Variants in TMEM120B observed in about 807,000 individuals in gnomAD.
TMEM120B encodes the protein transmembrane protein 120B.
TMEM120B carries 31 observed loss-of-function variants against 55.5 expected under a neutral mutation model. That is an observed-to-expected ratio of 0.56 (90% CI 0.42 to 0.75). The LOEUF (loss-of-function observed/expected upper bound fraction) is 0.75, where lower values mean the gene tolerates loss of function less well. Ranked by LOEUF, TMEM120B falls within the 30% of genes least tolerant of loss-of-function variation. TMEM120B has a pLI of 0.00. For synonymous variants in TMEM120B, 203 were observed against 176.3 expected (o/e 1.15, Z -1.20); for missense variants, 399 against 425.5 (o/e 0.94, Z 0.55).
rs1439440842 is a variant in TMEM120B, at chr12:121,743,652, G to A, written c.93G>A (p.Gln31=). The change falls in exon 2 of 12, where the codon CAG becomes CAA. Residue 31 remains glutamine (Q), a synonymous_variant. Coordinates refer to ENST00000449592, the MANE Select transcript of TMEM120B (RefSeq NM_001080825.2). ...AGGAGACGCACAGGATCTACAAGCAGAAGCTGGAGGAGCTGGCTGCGCTGC... is the reference window on the plus strand; with the variant it reads ...AGGAGACGCACAGGATCTACAAGCAAAAGCTGGAGGAGCTGGCTGCGCTGC... ...ELQETHRIYK[Q]KLEELAALQT... The A allele has an allele frequency of 1.2e-6, 2 of 1,613,548 alleles. No homozygotes were observed. The highest frequency in any genetic ancestry group is 1.7e-6 in the Non-Finnish European group (2 of 1,179,978).
rs148688183 is a variant in TMEM120B, at chr12:121,781,341, C to T, written c.*5619C>T. 1.9e-4 allele frequency: 131 copies of T among 676,842 alleles called. No homozygotes were observed. In the African/African-American group the frequency reaches 2.3e-3, roughly 12 times the overall value. The allele number at this position is 676,842 out of a possible 1,614,324, so 41.9% of individuals were successfully genotyped here. A position where few individuals can be genotyped will look rare whatever the true frequency, so the allele number is the denominator to read the frequency against. ...GGGCAGCAAGCCAGGAGTGCTGGCACAGGCCTGTGGTCGCAGCTACTCGGG... is the reference window on the plus strand; with the variant it reads ...GGGCAGCAAGCCAGGAGTGCTGGCATAGGCCTGTGGTCGCAGCTACTCGGG... On this transcript the variant is annotated 3_prime_UTR_variant, in exon 12 of 12. Transcript: ENST00000449592.
At chr12:121,743,135 C>T (rs1365005506) in intron 1 of TMEM120B, among the ~76,000 whole-genome samples, 1 of 152,050 alleles carries the variant, frequency 6.6e-6, no homozygotes, top group Non-Finnish European at 1.5e-5. Flanking sequence ...ATTGGAGTGA[C>T]TGTGTCTGGA....
intron 6 of TMEM120B, among the ~76,000 whole-genome samples, chr12:121,769,028 C>A (rs565735639): frequency 6.6e-6 from 1 of 151,832 alleles, no homozygotes; most frequent in Non-Finnish European, 1.5e-5. Context: ...CGCCTGTAGT[C>A]GCAGCTACTC....
Position 121,767,223 on chromosome 12 carries a change from C to T in TMEM120B, c.552-3684C>T, listed in dbSNP as rs553989681. On this transcript the variant is annotated intron_variant, in intron 6 of 11. Coordinates refer to ENST00000449592, the MANE Select transcript of TMEM120B (RefSeq NM_001080825.2). ...TCGCCCAGGCTGGAGTGCAGTGGTG[C>T]GATCTCGGCTCACTGCAAGCTCCGC... Among the ~76,000 whole-genome samples, 10 of 152,258 alleles carry T rather than the reference C, an allele frequency of 6.6e-5. No individual in the cohort carries two copies. The South Asian group carries it at 1.7e-3, about 25-fold the overall frequency.
chr12:121,744,538 C>G (rs968871900), intron 2 of TMEM120B, among the ~76,000 whole-genome samples: 2 of 152,218 alleles, frequency 1.3e-5, no homozygotes, highest in African/African-American at 4.8e-5. Flanking sequence ...GGCCACTAGG[C>G]TGCCATCCCT....
chr12:121,743,139 G>A (rs1872981777), intron 1 of TMEM120B, among the ~76,000 whole-genome samples: 1 of 152,152 alleles, frequency 6.6e-6, no homozygotes, highest in African/African-American at 2.4e-5. Context: ...GAGTGACTGT[G>A]TCTGGAGTGG....
chr12:121,733,322 G>T (rs1428897578), intron 1 of TMEM120B, among the ~76,000 whole-genome samples: 1 of 151,902 alleles, frequency 6.6e-6, no homozygotes, highest in Non-Finnish European at 1.5e-5. Context: ...TCGGCTCACT[G>T]CAAGCTCCGC....
At chr12:121,749,883 G>T (rs1873218372) in intron 3 of TMEM120B, among the ~76,000 whole-genome samples, 1 of 149,746 alleles carries the variant, frequency 6.7e-6, no homozygotes, top group Admixed American at 6.7e-5. Flanking sequence ...TCCAGTCTGG[G>T]TGACAGACCG....
intron 1 of TMEM120B, among the ~76,000 whole-genome samples, chr12:121,714,326 G>A (rs1839664786): frequency 1.3e-5 from 2 of 152,044 alleles, no homozygotes; most frequent in Admixed American, 1.3e-4. Flanking sequence ...GCGTGATCTC[G>A]GCTTACTACA....
At chr12:121,728,484 G>A (rs573251750) in intron 1 of TMEM120B, among the ~76,000 whole-genome samples, 5 of 147,368 alleles carry the variant, frequency 3.4e-5, no homozygotes, top group Admixed American at 1.4e-4. Context: ...GCGAGACTCC[G>A]TCTCAAAAAA....
chr12:121,769,469 G>C (rs1485436502), intron 6 of TMEM120B, among the ~76,000 whole-genome samples: 2 of 152,274 alleles, frequency 1.3e-5, no homozygotes, highest in East Asian at 1.9e-4. Context: ...ACTTTGGAAG[G>C]CCAAGGCAAG....
At chr12:121,750,876 A>C (rs1366455530) in intron 4 of TMEM120B, among the ~76,000 whole-genome samples, 97 of 28,038 alleles carry the variant, frequency 3.5e-3, no homozygotes, top group Non-Finnish European at 3.8e-3. Context: ...CACCCACACC[A>C]CACACCACAC....
intron 1 of TMEM120B, among the ~76,000 whole-genome samples, chr12:121,721,811 T>TTTTTTTTTC: frequency 7.9e-6 from 1 of 126,590 alleles, no homozygotes; most frequent in Non-Finnish European, 1.7e-5. Context: ...CTACTTTTTT[T>TTTTTTTTTC]TTTTTTTTTT....
chr12:121,748,292 G>A (rs766572687), intron 2 of TMEM120B, 34 bp from the exon 3 acceptor site: 20 of 1,551,694 alleles, frequency 1.3e-5, no homozygotes, highest in Middle Eastern at 3.6e-4. Flanking sequence ...TCTGAGTGAC[G>A]CCCCTTCCCC....
chr12:121,713,063 C>A, intron 1 of TMEM120B, 99 bp downstream of exon 1: 1 of 1,013,050 alleles, frequency 9.9e-7, no homozygotes, highest in Non-Finnish European at 1.4e-6. Flanking sequence ...CAGTCAGGGC[C>A]TAGGGAGTGC....
intron 6 of TMEM120B, among the ~76,000 whole-genome samples, chr12:121,762,333 C>T (rs1873707240): frequency 1.3e-5 from 2 of 151,834 alleles, no homozygotes; most frequent in Admixed American, 6.6e-5. Context: ...GATCCAAGTG[C>T]TCTCCGTCTC....
At chr12:121,719,997 G>T (rs1894766467) in intron 1 of TMEM120B, among the ~76,000 whole-genome samples, 1 of 152,126 alleles carries the variant, frequency 6.6e-6, no homozygotes. Context: ...ACCTTGCCCG[G>T]CCCACACTAC....
At chr12:121,730,898 C>T (rs975642487) in intron 1 of TMEM120B, among the ~76,000 whole-genome samples, 3 of 151,542 alleles carry the variant, frequency 2.0e-5, no homozygotes, top group Admixed American at 6.6e-5. Flanking sequence ...GCGGAGGTTT[C>T]GGTGAGCCGA....
chr12:121,713,304 C>T (rs1894635654), intron 1 of TMEM120B, among the ~76,000 whole-genome samples: 1 of 152,104 alleles, frequency 6.6e-6, no homozygotes, highest in South Asian at 2.1e-4. Flanking sequence ...AACAGCCCAG[C>T]CCCCACCTCT....
Sources: allele counts gnomAD v4.1 joint callset (sites outside exome capture counted in the v4.1 genomes callset), GRCh38; gene constraint gnomAD v4.1.1; transcripts MANE v1.5; gene names NCBI Gene and HGNC (gene_info 2026-07-23, HGNC 2026-07-21).